PCDHGA8: variants seen among roughly 807,000 people sequenced by gnomAD.
PCDHGA8 encodes the protein protocadherin gamma-A8.
Under a neutral mutation model 59.2 loss-of-function variants are expected in PCDHGA8, and 45 were observed. That is an observed-to-expected ratio of 0.76 (90% CI 0.60 to 0.98). The LOEUF (loss-of-function observed/expected upper bound fraction) is 0.98, where lower values mean the gene tolerates loss of function less well. Among genes scored for constraint, PCDHGA8 ranks in the 50% least tolerant of loss-of-function variants. The probability of loss-of-function intolerance (pLI) is 0.00; values close to 1 mark genes in which losing one functional copy is unlikely to be tolerated. For synonymous variants in PCDHGA8, 531 were observed against 519.0 expected (o/e 1.02, Z -0.32); for missense variants, 1,257 against 1,196.2 (o/e 1.05, Z -0.75).
intron 1 of PCDHGA8, among the ~76,000 whole-genome samples, chr5:141,484,170 A>G (rs962978452): frequency 6.6e-6 from 1 of 152,210 alleles, no homozygotes; most frequent in Non-Finnish European, 1.5e-5. Context: ...TTGGTAGCTG[A>G]TCTCAATCAT....
Position 141,511,250 on chromosome 5 carries a change from CAG to C in PCDHGA8, c.*80_*81del. 2 of 1,571,674 alleles carry C rather than the reference CAG, an allele frequency of 1.3e-6. No homozygotes were observed. Among genetic ancestry groups the C allele is most frequent in the Non-Finnish European group, 1.7e-6 (2 of 1,158,794 alleles). On this transcript the variant is annotated 3_prime_UTR_variant, in exon 4 of 4. Transcript: ENST00000398604. ...CTTCTCCTTACCTGCACCCAGGCCT[CAG>C]AGTTTCAGGGCTAACCCCCAGAATA...
At chr5:141,410,105 A>G in intron 1 of PCDHGA8, 1 of 1,612,376 alleles carries the variant, frequency 6.2e-7, no homozygotes, top group South Asian at 1.1e-5. Context: ...CTTAGGCGAC[A>G]GGGACGCAGC....
intron 1 of PCDHGA8, chr5:141,405,626 C>G (rs1329214735): frequency 3.7e-6 from 2 of 538,556 alleles, no homozygotes; most frequent in South Asian, 5.3e-5. Context: ...AGGCACGTGC[C>G]ACCACGCCCG....
chr5:141,500,883 T>G (rs1250275850), intron 2 of PCDHGA8, among the ~76,000 whole-genome samples: 2 of 97,532 alleles, frequency 2.1e-5, no homozygotes, highest in African/African-American at 1.2e-4. Context: ...TACAATTTTT[T>G]TTTTTTGAGA....
chr5:141,496,081 C>A (rs976166091), intron 2 of PCDHGA8, among the ~76,000 whole-genome samples: 1 of 152,060 alleles, frequency 6.6e-6, no homozygotes, highest in Non-Finnish European at 1.5e-5. Flanking sequence ...CACAACCCCC[C>A]ACCCACCACC....
Position 141,422,468 on chromosome 5 carries a change from A to T in PCDHGA8, c.2424+27231A>T, listed in dbSNP as rs555211298. On this transcript the variant is annotated intron_variant, in intron 1 of 3. Transcript: ENST00000398604. ...ATAACAAGCAGAGTGCTGGACAGGG[A>T]GTTGGTCCAGAGCTACAATATAACG... 59 of 1,613,640 alleles carry T rather than the reference A, an allele frequency of 3.7e-5. No homozygotes were observed. In the South Asian group the frequency reaches 4.7e-4, roughly 13 times the overall value.
chr5:141,400,561 A>G, intron 1 of PCDHGA8: 1 of 1,612,992 alleles, frequency 6.2e-7, no homozygotes, highest in Non-Finnish European at 8.5e-7. Flanking sequence ...TTCATTACCC[A>G]CCCAATTTTC....
rs767192511 is a variant in PCDHGA8, at chr5:141,394,355, G to C, written c.1542G>C (p.Leu514=). The C allele has an allele frequency of 4.3e-6, 7 of 1,614,064 alleles. No individual in the cohort carries two copies. The highest frequency in any genetic ancestry group is 1.3e-5 in the African/African-American group (1 of 74,936). ...YISINSDTGV[L]YALQSFDYEQ... is the part of the protein sequence containing the mutation. ...CCATCAACTCTGACACCGGTGTCCT[G>C]TATGCGCTGCAATCTTTCGACTATG... Residue 514 remains leucine, a synonymous_variant, in exon 1 of 4, where the codon CTG becomes CTC. Transcript: ENST00000398604.
intron 1 of PCDHGA8, chr5:141,398,414 G>A (rs373274513): frequency 1.2e-4 from 186 of 1,488,072 alleles, no homozygotes; most frequent in Non-Finnish European, 1.6e-4. Context: ...GAGGAGATAT[G>A]CGGGAAGAAG....
chr5:141,504,550 G>A (rs944574179), intron 2 of PCDHGA8, among the ~76,000 whole-genome samples: 2 of 151,586 alleles, frequency 1.3e-5, no homozygotes, highest in Non-Finnish European at 2.9e-5. Context: ...GCAAATGTTG[G>A]GGGACTGGCA....
Position 141,491,992 on chromosome 5 carries a change from T to G in PCDHGA8, c.2425-2815T>G. ...GGCCTCCTTCGAGCTTCCGGTGAAT[T>G]TCGGGCGATTTCCGCGGGTGTCGGG... On this transcript the variant is annotated intron_variant, in intron 1 of 3. Transcript: ENST00000398604. This position sits in a 1 kb window ranked among gnomAD's most constrained non-coding sequence, Gnocchi z 6.9. The G allele has an allele frequency of 1.5e-6, 1 of 684,982 alleles. No homozygotes were observed. The highest frequency in any genetic ancestry group is 2.3e-6 in the Non-Finnish European group (1 of 443,370). The allele number at this position is 684,982 out of a possible 1,614,324, so 42.4% of individuals were successfully genotyped here.
chr5:141,486,030 C>A lies in PCDHGA8; in HGVS notation c.2425-8777C>A. The A allele has an allele frequency of 6.2e-7, 1 of 1,614,164 alleles. No homozygotes were observed. The highest frequency in any genetic ancestry group is 8.5e-7 in the Non-Finnish European group (1 of 1,180,012). ...ACCTTTTATTTCAGTGGTCATACCC[C>A]TGATCGTGTAAGAAACCTCTTTAGC... On this transcript the variant is annotated intron_variant, in intron 1 of 3. Coordinates refer to ENST00000398604, the MANE Select transcript of PCDHGA8 (RefSeq NM_032088.2). The surrounding 1 kb of genome is among the most constrained non-coding windows in gnomAD (Gnocchi z 5.0).
At position 141,423,614 on chromosome 5, in the gene PCDHGA8, A is replaced by C. The variant is rs1365658002; in HGVS notation, c.2424+28377A>C. 8 of 1,610,406 alleles carry C rather than the reference A, an allele frequency of 5.0e-6. No homozygotes were observed. The highest frequency in any genetic ancestry group is 6.8e-6 in the Non-Finnish European group (8 of 1,178,132). ...AAAAGCGAGCCACTCTTGATAGCTG[A>C]AGACTCAGCTATCATTTTAGGCAAA... On this transcript the variant is annotated intron_variant, in intron 1 of 3. Transcript: ENST00000398604.
chr5:141,427,871 G>T, intron 1 of PCDHGA8: 1 of 1,559,532 alleles, frequency 6.4e-7, no homozygotes, highest in Non-Finnish European at 8.8e-7. Flanking sequence ...TCGAGCTCAC[G>T]ATGCAGGCCC....
chr5:141,421,614 T>C (rs552534116), intron 1 of PCDHGA8: 3 of 1,613,810 alleles, frequency 1.9e-6, no homozygotes, highest in South Asian at 2.2e-5. Flanking sequence ...ATATTAATGA[T>C]AACGCCCCCA....
At position 141,490,406 on chromosome 5, in the gene PCDHGA8, T is replaced by G; in HGVS notation, c.2425-4401T>G. On this transcript the variant is annotated intron_variant, in intron 1 of 3. Transcript: ENST00000398604. This position sits in a 1 kb window ranked among gnomAD's most constrained non-coding sequence, Gnocchi z 5.4. ...AGAAATGGTGAAGTGAGCCTTGATA[T>G]CTCTCCGGACCTGCCATTTCAGATT... is the stretch of plus-strand genomic sequence containing the variant. The G allele has an allele frequency of 1.9e-6, 3 of 1,614,112 alleles. No individual in the cohort carries two copies. Among genetic ancestry groups the G allele is most frequent in the Non-Finnish European group, 2.5e-6 (3 of 1,180,020 alleles).
At chr5:141,433,237 A>G in intron 1 of PCDHGA8, 1 of 1,495,940 alleles carries the variant, frequency 6.7e-7, no homozygotes, top group South Asian at 1.3e-5. Flanking sequence ...TCTGTCTCCC[A>G]AGCTGGAATG....
Position 141,393,932 on chromosome 5 carries a change from C to A in PCDHGA8, c.1119C>A (p.Asp373Glu), listed in dbSNP as rs758815375. 2.7e-5 allele frequency: 44 copies of A among 1,613,798 alleles called. No individual in the cohort carries two copies. Among genetic ancestry groups the A allele is most frequent in the Non-Finnish European group, 3.6e-5 (43 of 1,179,882 alleles). Residue 373 changes from aspartate (D) to glutamate (E), a missense_variant, in exon 1 of 4, where the codon GAC becomes GAA. Coordinates refer to ENST00000398604, the MANE Select transcript of PCDHGA8 (RefSeq NM_032088.2). ...GTVIAFLSVHDQDSGKNGQVV... is the reference protein window; with the variant it reads ...GTVIAFLSVHEQDSGKNGQVV... Reference sequence around the variant, plus strand: ...TAATTGCCTTCTTGAGTGTGCATGACCAAGACTCTGGAAAGAATGGTCAAG... The same window carrying A: ...TAATTGCCTTCTTGAGTGTGCATGAACAAGACTCTGGAAAGAATGGTCAAG...
At chr5:141,497,849 T>G (rs1337258582) in intron 2 of PCDHGA8, among the ~76,000 whole-genome samples, 1 of 152,192 alleles carries the variant, frequency 6.6e-6, no homozygotes, top group African/African-American at 2.4e-5. Flanking sequence ...ACAAACATTT[T>G]TGATTCAGCG....
Sources: allele counts gnomAD v4.1 joint callset (sites outside exome capture counted in the v4.1 genomes callset), GRCh38; gene constraint gnomAD v4.1.1; non-coding constraint Gnocchi (gnomAD v3.1); transcripts MANE v1.5; gene names NCBI Gene and HGNC (gene_info 2026-07-23, HGNC 2026-07-21).